The following BTBD9 variants were observed in gnomAD, a reference collection of about 807,000 sequenced individuals.
The protein encoded by BTBD9 is BTB/POZ domain-containing protein 9.
Under a neutral mutation model 64.3 loss-of-function variants are expected in BTBD9, and 49 were observed. The observed-to-expected ratio is 0.76, with a 90% confidence interval of 0.61 to 0.97. The LOEUF (loss-of-function observed/expected upper bound fraction) is 0.97, where lower values mean the gene tolerates loss of function less well. Ranked by LOEUF, BTBD9 falls within the 50% of genes least tolerant of loss-of-function variation. The pLI is 0.00. For synonymous variants in BTBD9, 260 were observed against 274.7 expected, an observed-to-expected ratio of 0.95 and a Z score of 0.53; for missense variants, 598 against 762.1, an observed-to-expected ratio of 0.78 and a Z score of 2.53.
intron 6 of BTBD9, among the ~76,000 whole-genome samples, chr6:38,483,578 C>T (rs1357784958): frequency 6.6e-6 from 1 of 152,120 alleles, no homozygotes; most frequent in African/African-American, 2.4e-5. Flanking sequence ...ACTATCAAGT[C>T]CCTGTAGGAC....
At chr6:38,292,406 T>C (rs148366023) in intron 7 of BTBD9, among the ~76,000 whole-genome samples, 248 of 152,328 alleles carry the variant, frequency 1.6e-3, no homozygotes, top group African/African-American at 5.5e-3. Flanking sequence ...AGCTCCTCTT[T>C]GTACCTCTGG....
intron 9 of BTBD9, among the ~76,000 whole-genome samples, chr6:38,244,302 C>T (rs964044057): frequency 5.9e-5 from 9 of 152,148 alleles, no homozygotes; most frequent in African/African-American, 2.2e-4. Context: ...GAGCACCTCT[C>T]TGGATGGTGG....
intron 5 of BTBD9, 85 bp downstream of exon 5, chr6:38,580,133 C>T (rs1776222276): frequency 7.8e-7 from 1 of 1,277,142 alleles, no homozygotes; most frequent in East Asian, 2.5e-5. Flanking sequence ...AATAAACCAT[C>T]ATATCTGTAA....
intron 4 of BTBD9, among the ~76,000 whole-genome samples, chr6:38,582,048 C>T (rs965347458): frequency 6.6e-6 from 1 of 152,058 alleles, no homozygotes; most frequent in African/African-American, 2.4e-5. Context: ...TTCATCATTG[C>T]AGATTTCTGG....
intron 7 of BTBD9, among the ~76,000 whole-genome samples, chr6:38,319,372 A>C (rs1272236833): frequency 6.6e-6 from 1 of 151,928 alleles, no homozygotes; most frequent in Non-Finnish European, 1.5e-5. Flanking sequence ...CCTCATATCC[A>C]CCACAGCTGC....
chr6:38,460,606 A>T (rs1009559031), intron 6 of BTBD9, among the ~76,000 whole-genome samples: 2 of 152,108 alleles, frequency 1.3e-5, no homozygotes, highest in African/African-American at 4.8e-5. Flanking sequence ...ATCATTTCAC[A>T]GTTAGGGTTT....
At chr6:38,449,984 C>G (rs970414843) in intron 6 of BTBD9, among the ~76,000 whole-genome samples, 1 of 152,086 alleles carries the variant, frequency 6.6e-6, no homozygotes, top group African/African-American at 2.4e-5. Context: ...TTCATTCCAG[C>G]ACTATTCATA....
intron 7 of BTBD9, among the ~76,000 whole-genome samples, chr6:38,292,857 C>A (rs4714142): frequency 1.3e-5 from 2 of 152,042 alleles, no homozygotes; most frequent in Non-Finnish European, 2.9e-5. Flanking sequence ...TTGTCTTCTG[C>A]GAGTTTTTGA....
At position 38,541,042 on chromosome 6, in the gene BTBD9, A is replaced by C. The variant is rs371171732; in HGVS notation, c.1154+36558T>G. On this transcript the variant is annotated intron_variant, in intron 6 of 10. Transcript: ENST00000481247. Reference sequence around the variant, plus strand: ...GAAGGACATCAAGTCAAGAAAACACAGTAGCTGTCTTAATGCTGGACGCAG... The same window carrying C: ...GAAGGACATCAAGTCAAGAAAACACCGTAGCTGTCTTAATGCTGGACGCAG... 7.2e-5 allele frequency among the ~76,000 whole-genome samples: 11 copies of C among 152,356 alleles called. No individual in the cohort carries two copies. The East Asian group carries it at 2.1e-3, about 29-fold the overall frequency.
chr6:38,526,041 T>C (rs565404639), intron 6 of BTBD9, among the ~76,000 whole-genome samples: 2 of 152,268 alleles, frequency 1.3e-5, no homozygotes, highest in East Asian at 3.9e-4. Flanking sequence ...GCCAAAACAA[T>C]GGGGAAAATG....
intron 9 of BTBD9, among the ~76,000 whole-genome samples, chr6:38,219,066 T>C (rs142674578): frequency 5.8e-4 from 88 of 152,242 alleles, no homozygotes; most frequent in African/African-American, 2.0e-3. Flanking sequence ...CCCAGTCTAT[T>C]TCTTCAGAAG....
At chr6:38,594,811 T>G (rs1035623953) in intron 2 of BTBD9, among the ~76,000 whole-genome samples, 1 of 152,232 alleles carries the variant, frequency 6.6e-6, no homozygotes, top group Non-Finnish European at 1.5e-5. Flanking sequence ...TATGCTGCTT[T>G]GAGAGTATAA....
chr6:38,588,020 T>C (rs1042377877), intron 4 of BTBD9: 1 of 738,644 alleles, frequency 1.4e-6, no homozygotes, highest in Non-Finnish European at 2.5e-6. Flanking sequence ...GCAACCACCA[T>C]ATACAGAAGC....
chr6:38,299,515 C>A (rs1762302570), intron 7 of BTBD9, among the ~76,000 whole-genome samples: 1 of 152,176 alleles, frequency 6.6e-6, no homozygotes, highest in Admixed American at 6.5e-5. Context: ...CTCTCCAGCA[C>A]CTGTTGTTGC....
At chr6:38,402,859 G>A in intron 6 of BTBD9, 1 of 701,062 alleles carries the variant, frequency 1.4e-6, no homozygotes, top group Non-Finnish European at 2.6e-6. Flanking sequence ...CTTGAGCTCA[G>A]GAGTTCGAGA....
chr6:38,628,072 G>T (rs1334100591), intron 1 of BTBD9, among the ~76,000 whole-genome samples: 1 of 152,186 alleles, frequency 6.6e-6, no homozygotes, highest in Non-Finnish European at 1.5e-5. Context: ...TTGATAAGCA[G>T]ATTATCTATC....
chr6:38,169,762 C>A lies in BTBD9; in HGVS notation c.*5223G>T, dbSNP rs949062235. 6.8e-6 allele frequency: 1 copy of A among 146,648 alleles called. No homozygotes were observed. Among genetic ancestry groups the A allele is most frequent in the South Asian group, 2.2e-4 (1 of 4,620 alleles). The allele number at this position is 146,648 out of a possible 1,614,324, so 9.1% of individuals were successfully genotyped here. A position where few individuals can be genotyped will look rare whatever the true frequency, so the allele number is the denominator to read the frequency against. On this transcript the variant is annotated 3_prime_UTR_variant, in exon 11 of 11. Transcript: ENST00000481247. Reference sequence around the variant, plus strand: ...TGGCTGCAGGGCCTCCTCCACCCCCCCTCCCCCCCGCCCATTCAGGGCTAT... The same window carrying A: ...TGGCTGCAGGGCCTCCTCCACCCCCACTCCCCCCCGCCCATTCAGGGCTAT...
chr6:38,550,309 C>CT (rs199730187), intron 6 of BTBD9, among the ~76,000 whole-genome samples: 3 of 136,408 alleles, frequency 2.2e-5, no homozygotes, highest in Non-Finnish European at 3.1e-5. Context: ...ATTTCTTTTT[C>CT]TTTTTCTTTT....
At chr6:38,429,501 A>G (rs997349667) in intron 6 of BTBD9, among the ~76,000 whole-genome samples, 1 of 151,262 alleles carries the variant, frequency 6.6e-6, no homozygotes, top group Non-Finnish European at 1.5e-5. Flanking sequence ...ATATAATTTT[A>G]CCACCCTATT....
Sources: gnomAD v4.1 joint callset for allele counts (sites outside exome capture counted in the v4.1 genomes callset) on GRCh38, gnomAD v4.1.1 for gene constraint, MANE v1.5 for transcripts, NCBI Gene and HGNC (gene_info 2026-07-23, HGNC 2026-07-21) for gene names.